STAG1: variants seen among roughly 807,000 people sequenced by gnomAD.
STAG1 encodes STAG1 cohesin complex component.
Under a neutral mutation model 170.9 loss-of-function variants are expected in STAG1, and 26 were observed. That is an observed-to-expected ratio of 0.15 (90% confidence interval 0.11 to 0.21). The LOEUF (loss-of-function observed/expected upper bound fraction) is 0.21. Ranked by LOEUF, STAG1 falls within the 10% of genes least tolerant of loss-of-function variation. The pLI, the probability that STAG1 is intolerant of heterozygous loss-of-function variation, is 1.00. For synonymous variants in STAG1, 514 were observed against 497.7 expected, an observed-to-expected ratio of 1.03 and a Z score of -0.44; for missense variants, 964 against 1,509.5, an observed-to-expected ratio of 0.64 and a Z score of 5.99.
Position 136,623,206 on chromosome 3 carries a change from G to T in STAG1, c.72C>A (p.Ser24Arg). The T allele has an allele frequency of 6.2e-7, 1 of 1,613,540 alleles. No homozygotes were observed. ...NETTAHSDAG[S>R]ELEETEVKGK... is the part of the protein sequence containing the mutation. ...CTTTGACCTCTGTTTCTTCAAGCTC[G>T]CTGCCAGCATCGGAATGGGCAGTAG... Residue 24 changes from serine (S) to arginine (R), a missense_variant, in exon 3 of 34, where the codon AGC becomes AGA. Physicochemically the swap from Ser to Arg is moderately radical, Grantham distance 110. Around this residue, in one of 11 missense-constraint regions of STAG1, gnomAD observed 108 missense variants for 120.2 expected, o/e 0.90. Transcript: ENST00000383202.
intron 1 of STAG1, among the ~76,000 whole-genome samples, chr3:136,659,078 A>G (rs1335005962): frequency 7.2e-5 from 11 of 152,120 alleles, no homozygotes; most frequent in Non-Finnish European, 1.3e-4. Flanking sequence ...ACAATTAACA[A>G]CCTTCTCACG....
chr3:136,537,012 T>C (rs999495529), intron 6 of STAG1, among the ~76,000 whole-genome samples: 1 of 152,228 alleles, frequency 6.6e-6, no homozygotes, highest in Non-Finnish European at 1.5e-5. Context: ...GGTTCAGTCA[T>C]TGTATATTTT....
chr3:136,382,086 A>C (rs1469755366), intron 22 of STAG1, among the ~76,000 whole-genome samples: 1 of 152,192 alleles, frequency 6.6e-6, no homozygotes, highest in Admixed American at 6.5e-5. Context: ...ATAATGTGTT[A>C]ATTTCATCAA....
At chr3:136,449,511 G>A (rs993966884) in intron 14 of STAG1, among the ~76,000 whole-genome samples, 3 of 150,162 alleles carry the variant, frequency 2.0e-5, no homozygotes, top group Non-Finnish European at 2.9e-5. Flanking sequence ...AGTGAGCTGA[G>A]ATCACGCCAC....
At chr3:136,537,491 TTTATTTTTTTTTTG>T (rs1935689763) in intron 6 of STAG1, among the ~76,000 whole-genome samples, 1 of 149,174 alleles carries the variant, frequency 6.7e-6, no homozygotes, top group Non-Finnish European at 1.5e-5. Context: ...CTTTTTTTTG[TTTATTTTTTTTTTG>T]TTTTTTTTTT....
chr3:136,433,378 G>GA (rs1437830293), intron 16 of STAG1, among the ~76,000 whole-genome samples, 178 bp downstream of exon 16: 1 of 152,016 alleles, frequency 6.6e-6, no homozygotes, highest in Non-Finnish European at 1.5e-5. Flanking sequence ...ATGAAGGAAA[G>GA]AATCTATTTT....
intron 1 of STAG1, among the ~76,000 whole-genome samples, chr3:136,687,788 T>C (rs985601172): frequency 2.6e-5 from 4 of 151,642 alleles, no homozygotes; most frequent in South Asian, 2.1e-4. Context: ...CCAGGCTAGA[T>C]TGCCATGGCA....
intron 22 of STAG1, among the ~76,000 whole-genome samples, chr3:136,379,601 C>G (rs1263828705): frequency 6.6e-6 from 1 of 151,912 alleles, no homozygotes; most frequent in South Asian, 2.1e-4. Context: ...CCCAGCTACT[C>G]GGGAGGCTGA....
chr3:136,752,137 G>A, intron 1 of STAG1, 58 bp downstream of exon 1: 1 of 153,144 alleles, frequency 6.5e-6, no homozygotes, highest in South Asian at 1.8e-4. Flanking sequence ...CCGCGCCGCT[G>A]CCGCCGCATT....
chr3:136,413,805 T>C (rs1381600402), intron 21 of STAG1, among the ~76,000 whole-genome samples: 1 of 152,096 alleles, frequency 6.6e-6, no homozygotes, highest in Admixed American at 6.6e-5. Flanking sequence ...AGTACTGATA[T>C]GATAAAAGAT....
chr3:136,411,811 T>A (rs2087631090), intron 21 of STAG1, among the ~76,000 whole-genome samples: 1 of 151,930 alleles, frequency 6.6e-6, no homozygotes, highest in South Asian at 2.1e-4. Context: ...CCGGGCGTGG[T>A]GGTGGGTGCC....
rs182444330 is a variant in STAG1 at position 136,592,024 on chromosome 3, G to A, written c.297+12285C>T. On this transcript the variant is annotated intron_variant, in intron 4 of 33. Transcript: ENST00000383202. The stretch of plus-strand genomic sequence containing the variant: ...GAGGCCAGAAAGAGAGGTAGTCCTG[G>A]GTCAAAACCATCAAACTGAAGAATG... 2.1e-4 allele frequency among the ~76,000 whole-genome samples: 32 copies of A among 152,238 alleles called. No homozygotes were observed. In the East Asian group the frequency reaches 5.8e-3, roughly 28 times the overall value.
chr3:136,612,406 G>A (rs778876734), intron 3 of STAG1, among the ~76,000 whole-genome samples: 58 of 151,538 alleles, frequency 3.8e-4, no homozygotes, highest in Non-Finnish European at 7.1e-4. Flanking sequence ...AAGAGTTCAA[G>A]ACCAGCCTGG....
intron 12 of STAG1, among the ~76,000 whole-genome samples, chr3:136,471,008 G>C (rs375353623): frequency 8.6e-5 from 13 of 151,516 alleles, no homozygotes; most frequent in African/African-American, 2.4e-4. Flanking sequence ...GATAGCATTA[G>C]GAGATATACC....
chr3:136,632,700 G>C (rs1940378372), intron 1 of STAG1, among the ~76,000 whole-genome samples: 1 of 152,034 alleles, frequency 6.6e-6, no homozygotes, highest in African/African-American at 2.4e-5. Flanking sequence ...GGAATTCAAG[G>C]TGCTACACGC....
intron 12 of STAG1, among the ~76,000 whole-genome samples, chr3:136,466,156 T>C (rs1176043005): frequency 1.3e-5 from 2 of 152,178 alleles, no homozygotes; most frequent in Non-Finnish European, 2.9e-5. Flanking sequence ...GGACGGAGAA[T>C]GACTTTCACG....
intron 9 of STAG1, among the ~76,000 whole-genome samples, chr3:136,492,817 A>G (rs1007162324): frequency 6.6e-6 from 1 of 152,214 alleles, no homozygotes; most frequent in Non-Finnish European, 1.5e-5. Flanking sequence ...CAGTAAGTGT[A>G]TTTGTATTTT....
intron 1 of STAG1, among the ~76,000 whole-genome samples, chr3:136,676,298 T>G (rs1942127333): frequency 6.6e-6 from 1 of 152,244 alleles, no homozygotes. Context: ...TACACTAAAT[T>G]TATAAAATAA....
intron 10 of STAG1, among the ~76,000 whole-genome samples, chr3:136,475,103 G>C (rs540542456): frequency 1.4e-5 from 2 of 142,990 alleles, no homozygotes; most frequent in South Asian, 4.5e-4. Flanking sequence ...TCTGTTTCCT[G>C]CTTTGTCATA....
Sources: gnomAD v4.1 joint callset for allele counts (sites outside exome capture counted in the v4.1 genomes callset) on GRCh38, gnomAD v4.1.1 for gene constraint, gnomAD v4.1.1 regional missense constraint, MANE v1.5 for transcripts, NCBI Gene and HGNC (gene_info 2026-07-23, HGNC 2026-07-21) for gene names.